TAF7L: variants seen among roughly 807,000 people sequenced by gnomAD.
The protein encoded by TAF7L is transcription initiation factor TFIID subunit 7-like.
In TAF7L, 6 loss-of-function variants were observed where a neutral mutation model predicts 30.2. The ratio of observed to expected loss-of-function variants is 0.20; its 90% confidence interval spans 0.11 to 0.39. The LOEUF (loss-of-function observed/expected upper bound fraction) is 0.39. TAF7L is among the 10% of genes least tolerant of loss of function. TAF7L has a pLI of 1.00. For missense variants in TAF7L, 284 were observed against 277.1 expected, an observed-to-expected ratio of 1.03 and a Z score of -0.18; for synonymous variants, 93 against 94.5, an observed-to-expected ratio of 0.98 and a Z score of 0.09.
chrX:101,269,103 C>T lies in TAF7L; in HGVS notation c.*90G>A, dbSNP rs1923884236. ...TAAATATAACTGATTCAACATAAGG[C>T]AACTGAAGGGACAAAAACGTGCACA... On this transcript the variant is annotated 3_prime_UTR_variant, in exon 13 of 13. Coordinates refer to ENST00000356784, the MANE Select transcript of TAF7L (RefSeq NM_001168474.2). 1 of 797,844 alleles carries T rather than the reference C, an allele frequency of 1.3e-6. No individual in the cohort carries two copies. Among genetic ancestry groups the T allele is most frequent in the Non-Finnish European group, 1.9e-6 (1 of 534,829 alleles). The allele number at this position is 797,844 out of a possible 1,213,427, so 65.8% of individuals were successfully genotyped here.
At chrX:101,276,134 TTA>T in intron 10 of TAF7L, 22 bp from the exon 11 acceptor site, 1 of 1,164,750 alleles carries the variant, frequency 8.6e-7, no homozygotes, top group Non-Finnish European at 1.2e-6. Context: ...ACATAGAACT[TTA>T]TATATTAAAT....
chrX:101,271,641 A>G (rs1186995825), intron 12 of TAF7L, among the ~76,000 whole-genome samples: 1 of 111,939 alleles, frequency 8.9e-6, no homozygotes, highest in Non-Finnish European at 1.9e-5. Flanking sequence ...GGACATTACT[A>G]TGCACTACTG....
At chrX:101,269,335 G>T in intron 12 of TAF7L, 98 bp from the exon 13 acceptor site, 1 of 764,075 alleles carries the variant, frequency 1.3e-6, no homozygotes. Context: ...AAGAACTACT[G>T]TTATTTGGCA....
intron 1 of TAF7L, among the ~76,000 whole-genome samples, chrX:101,289,889 A>G (rs924776827): frequency 3.7e-5 from 4 of 108,641 alleles, no homozygotes; most frequent in Non-Finnish European, 7.7e-5. Flanking sequence ...GTGCCCAGCC[A>G]GGCCCACACT....
At chrX:101,279,264 GC>G (rs1924319961) in intron 6 of TAF7L, among the ~76,000 whole-genome samples, 1 of 111,862 alleles carries the variant, frequency 8.9e-6, no homozygotes, top group South Asian at 3.7e-4. Context: ...TGTAATTCCT[GC>G]CAAAATTCTA....
chrX:101,280,611 G>A (rs1924379771), intron 6 of TAF7L, among the ~76,000 whole-genome samples: 1 of 111,709 alleles, frequency 9.0e-6, no homozygotes, highest in Non-Finnish European at 1.9e-5. Context: ...ATATGACCCA[G>A]CAATTATACT....
At chrX:101,272,282 T>C (rs1923991793) in intron 12 of TAF7L, among the ~76,000 whole-genome samples, 1 of 111,991 alleles carries the variant, frequency 8.9e-6, no homozygotes, top group South Asian at 3.7e-4. Flanking sequence ...CACCCAGTAA[T>C]TGACCCAACT....
At chrX:101,292,862 C>G, upstream of TAF7L, 1 of 1,211,594 alleles carries the variant, frequency 8.3e-7, no homozygotes. Context: ...GTTTGAGTGT[C>G]CTCGTCGGCA....
In TAF7L at chrX:101,272,380, C is replaced by G. The variant is rs148975251; in HGVS notation, c.1086+2842G>C. On this transcript the variant is annotated intron_variant, in intron 12 of 12. Coordinates refer to ENST00000356784, the MANE Select transcript of TAF7L (RefSeq NM_001168474.2). ...ATAATAGCCAAAAGTGAAAGCAACC[C>G]AAATGTCCATCAGCAGATGAATGAA... Among the ~76,000 whole-genome samples, 506 of 111,427 alleles carry G rather than the reference C, an allele frequency of 4.5e-3. 2 individuals carry two copies. Among genetic ancestry groups the G allele is most frequent in the Non-Finnish European group, 7.8e-3 (413 of 53,104 alleles).
chrX:101,279,138 G>GT, intron 6 of TAF7L, 103 bp from the exon 7 acceptor site: 1 of 639,916 alleles, frequency 1.6e-6, no homozygotes, highest in Non-Finnish European at 2.4e-6. Flanking sequence ...ACATTTAGTA[G>GT]GCACTCAATA....
chrX:101,270,992 C>T (rs761798584), intron 12 of TAF7L, among the ~76,000 whole-genome samples: 22 of 111,323 alleles, frequency 2.0e-4, no homozygotes, highest in African/African-American at 7.2e-4. Flanking sequence ...TTTTAAGGCC[C>T]CAGTCAAACA....
chrX:101,273,686 C>T (rs1373328663), intron 12 of TAF7L, among the ~76,000 whole-genome samples: 2 of 112,224 alleles, frequency 1.8e-5, no homozygotes, highest in African/African-American at 6.5e-5. Context: ...CTTATCATGG[C>T]CTTCAAGGAA....
Position 101,275,217 on chromosome X carries a change from C to T in TAF7L, c.1086+5G>A. 8.6e-7 allele frequency: 1 copy of T among 1,169,093 alleles called. No homozygotes were observed. The highest frequency in any genetic ancestry group is 1.2e-6 in the Non-Finnish European group (1 of 864,354). On this transcript the variant is annotated splice_donor_5th_base_variant and intron_variant, in intron 12 of 12. Coordinates refer to ENST00000356784, the MANE Select transcript of TAF7L (RefSeq NM_001168474.2). ...TTCTGGTTAATTTGAAAACATACTT[C>T]TTACCTTCTCATTTTTTTGTTTTTC...
intron 12 of TAF7L, among the ~76,000 whole-genome samples, chrX:101,274,456 G>A (rs1353055217): frequency 1.1e-4 from 12 of 111,124 alleles, no homozygotes; most frequent in African/African-American, 2.9e-4. Context: ...ATCCTCTCGC[G>A]TCGGCCTCCC....
chrX:101,275,134 G>A, intron 12 of TAF7L, 88 bp downstream of exon 12: 1 of 710,553 alleles, frequency 1.4e-6, no homozygotes, highest in Admixed American at 2.9e-5. Context: ...ATTCCTATGA[G>A]AGGAACAGCC....
intron 11 of TAF7L, 71 bp from the exon 12 acceptor site, chrX:101,275,352 G>T: frequency 1.3e-6 from 1 of 773,853 alleles, no homozygotes; most frequent in South Asian, 2.8e-5. Context: ...GGGAGGCAAG[G>T]AGTTTGGCAA....
chrX:101,291,532 G>C (rs1219877637), upstream of TAF7L, among the ~76,000 whole-genome samples: 1 of 112,318 alleles, frequency 8.9e-6, no homozygotes, highest in African/African-American at 3.2e-5. Flanking sequence ...AGGGGGACGC[G>C]ACTGCTCAGG....
intron 4 of TAF7L, 151 bp downstream of exon 4, chrX:101,283,299 C>T: frequency 3.2e-6 from 2 of 632,638 alleles, no homozygotes; most frequent in Non-Finnish European, 4.9e-6. Flanking sequence ...CAAACGAGAA[C>T]ATGACATTTC....
At position 101,274,922 on chromosome X, in the gene TAF7L, A is replaced by G. The variant is rs775068839; in HGVS notation, c.1086+300T>C. On this transcript the variant is annotated intron_variant, in intron 12 of 12. Coordinates refer to ENST00000356784, the MANE Select transcript of TAF7L (RefSeq NM_001168474.2). ...CCTATAGTAAAATTGGTTTCATTATATATACATTATTTTGCTTAAAGTTAC... is the reference window on the plus strand; with the variant it reads ...CCTATAGTAAAATTGGTTTCATTATGTATACATTATTTTGCTTAAAGTTAC... 4.5e-5 allele frequency among the ~76,000 whole-genome samples: 5 copies of G among 112,173 alleles called. No individual in the cohort carries two copies. The South Asian group carries it at 1.8e-3, about 41-fold the overall frequency.
Sources: allele counts gnomAD v4.1 joint callset (sites outside exome capture counted in the v4.1 genomes callset), GRCh38; gene constraint gnomAD v4.1.1; transcripts MANE v1.5; gene names NCBI Gene and HGNC (gene_info 2026-07-23, HGNC 2026-07-21).